ELOVL5: variants seen among roughly 807,000 people sequenced by gnomAD.
ELOVL5 encodes very long chain fatty acid elongase 5.
Under a neutral mutation model 38.6 loss-of-function variants are expected in ELOVL5, and 8 were observed. The observed-to-expected ratio is 0.21, with a 90% CI of 0.12 to 0.37. The LOEUF is 0.37. Ranked by LOEUF, ELOVL5 falls within the 10% of genes least tolerant of loss-of-function variation. The probability of loss-of-function intolerance (pLI) is 1.00; values close to 1 mark genes in which losing one functional copy is unlikely to be tolerated. For synonymous variants in ELOVL5, 127 were observed against 133.7 expected (o/e 0.95, Z 0.34); for missense variants, 280 against 367.8 (o/e 0.76, Z 1.95).
chr6:53,294,141 C>T (rs2127575207), intron 2 of ELOVL5: 1 of 1,412,682 alleles, frequency 7.1e-7, no homozygotes, highest in South Asian at 1.7e-5. Context: ...CCCACAAATA[C>T]TCATCTTTCC....
chr6:53,337,981 G>A (rs1007071713), intron 1 of ELOVL5, among the ~76,000 whole-genome samples: 3 of 152,172 alleles, frequency 2.0e-5, no homozygotes, highest in Non-Finnish European at 4.4e-5. Flanking sequence ...GGCGGAGGAT[G>A]GTGCTCCTGA....
At chr6:53,320,347 C>CT in intron 1 of ELOVL5, among the ~76,000 whole-genome samples, 1 of 150,610 alleles carries the variant, frequency 6.6e-6, no homozygotes, top group African/African-American at 2.4e-5. Context: ...TCTTTTTTTT[C>CT]TTTTTTTGAG....
At chr6:53,290,038 C>G (rs1766716175) in intron 3 of ELOVL5, 1 of 152,130 alleles carries the variant, frequency 6.6e-6, no homozygotes, top group Non-Finnish European at 1.5e-5. Flanking sequence ...GTATTCAGTG[C>G]TTAGTCACTG....
intron 1 of ELOVL5, among the ~76,000 whole-genome samples, chr6:53,339,333 C>A (rs1357377166): frequency 1.3e-5 from 2 of 152,136 alleles, no homozygotes; most frequent in Non-Finnish European, 2.9e-5. Flanking sequence ...TACAATGTTG[C>A]CAAACCTAGT....
intron 3 of ELOVL5, among the ~76,000 whole-genome samples, chr6:53,284,989 T>G (rs898787595): frequency 4.6e-5 from 7 of 152,192 alleles, no homozygotes; most frequent in South Asian, 2.1e-4. Flanking sequence ...CTGGCCTCCT[T>G]ATTTCCTGAG....
chr6:53,345,212 A>G (rs1042595930), intron 1 of ELOVL5, among the ~76,000 whole-genome samples: 1 of 152,184 alleles, frequency 6.6e-6, no homozygotes, highest in Non-Finnish European at 1.5e-5. Flanking sequence ...AGCTGCTGTC[A>G]GTCATCTTGG....
chr6:53,270,819 T>G lies in ELOVL5; in HGVS notation c.622-92A>C. On this transcript the variant is annotated intron_variant, in intron 6 of 7. Transcript: ENST00000304434. The stretch of plus-strand genomic sequence containing the variant: ...CTTTTTAACCAGCATCACCTAAATT[T>G]CTGAATTAACACTTACTACCCTTGC... 8.7e-6 allele frequency: 13 copies of G among 1,486,218 alleles called. No individual in the cohort carries two copies. The South Asian group carries it at 1.6e-4, about 18-fold the overall frequency. 92.1% of individuals were successfully genotyped at this position (1,486,218 alleles called of 1,614,324 possible). A position where few individuals can be genotyped will look rare whatever the true frequency, so the allele number is the denominator to read the frequency against.
intron 1 of ELOVL5, among the ~76,000 whole-genome samples, chr6:53,299,100 T>C (rs988182720): frequency 6.6e-6 from 1 of 151,996 alleles, no homozygotes; most frequent in Non-Finnish European, 1.5e-5. Context: ...AATGAGACAT[T>C]CATAATGGGG....
chr6:53,331,988 A>C (rs986264457), intron 1 of ELOVL5, among the ~76,000 whole-genome samples: 1 of 152,192 alleles, frequency 6.6e-6, no homozygotes, highest in South Asian at 2.1e-4. Context: ...GAGAGGAAGC[A>C]AGACAAAGAA....
Position 53,275,684 on chromosome 6 carries a change from A to G in ELOVL5, c.325-423T>C, listed in dbSNP as rs148086241. ...GCAGCCGACCTGATAAGTGACACAG[A>G]AGAAAAGGAATCAGAACCTGCAGTG... On this transcript the variant is annotated intron_variant, in intron 4 of 7. Coordinates refer to ENST00000304434, the MANE Select transcript of ELOVL5 (RefSeq NM_021814.5). 2.9e-3 allele frequency among the ~76,000 whole-genome samples: 436 copies of G among 152,330 alleles called. 4 individuals are homozygous for G. The highest frequency in any genetic ancestry group is 9.9e-3 in the African/African-American group (412 of 41,578).
chr6:53,306,022 C>T (rs1581957941), intron 1 of ELOVL5, among the ~76,000 whole-genome samples: 1 of 151,590 alleles, frequency 6.6e-6, no homozygotes, highest in East Asian at 2.0e-4. Context: ...GCCAACACAG[C>T]GAAACCCCGT....
intron 1 of ELOVL5, among the ~76,000 whole-genome samples, chr6:53,346,299 C>T (rs1325245151): frequency 2.0e-5 from 3 of 152,108 alleles, no homozygotes; most frequent in Admixed American, 1.3e-4. Context: ...TTTTCTTTAT[C>T]CAGTCTATCA....
chr6:53,294,180 C>T (rs545123034), intron 2 of ELOVL5: 17 of 1,451,506 alleles, frequency 1.2e-5, no homozygotes, highest in Non-Finnish European at 1.5e-5. Context: ...CCTCCCACAC[C>T]GCACAGTGCT....
At chr6:53,340,455 T>C (rs1441722090) in intron 1 of ELOVL5, among the ~76,000 whole-genome samples, 1 of 152,158 alleles carries the variant, frequency 6.6e-6, no homozygotes, top group African/African-American at 2.4e-5. Flanking sequence ...GAGTGTACAG[T>C]AAAGTCCTAG....
intron 1 of ELOVL5, among the ~76,000 whole-genome samples, chr6:53,338,153 G>A (rs776967253): frequency 2.6e-5 from 4 of 152,180 alleles, no homozygotes; most frequent in Non-Finnish European, 5.9e-5. Flanking sequence ...CATGCAATGA[G>A]ATTTGGTCTT....
chr6:53,287,789 G>C, intron 3 of ELOVL5: 1 of 1,371,170 alleles, frequency 7.3e-7, no homozygotes, highest in South Asian at 1.2e-5. Flanking sequence ...TCCTTCTGAG[G>C]AAAGGAGCCA....
chr6:53,275,059 TG>T, intron 5 of ELOVL5, 30 bp downstream of exon 5: 1 of 1,608,500 alleles, frequency 6.2e-7, no homozygotes, highest in Non-Finnish European at 8.5e-7. Context: ...TGCTCACACC[TG>T]TTCCCCAAGT....
chr6:53,302,599 T>TAAGGCAAATCTGTTTTAAA (rs1429543907), intron 1 of ELOVL5, among the ~76,000 whole-genome samples: 7 of 151,972 alleles, frequency 4.6e-5, no homozygotes, highest in Non-Finnish European at 8.8e-5. Flanking sequence ...ACTGGGATCT[T>TAAGGCAAATCTGTTTTAAA]AAGGCAAATC....
At chr6:53,312,570 C>G (rs1221240149) in intron 1 of ELOVL5, among the ~76,000 whole-genome samples, 4 of 152,116 alleles carry the variant, frequency 2.6e-5, no homozygotes, top group African/African-American at 9.7e-5. Flanking sequence ...GTGCTGATAG[C>G]AATGTTGTGT....
Sources: gnomAD v4.1 joint callset for allele counts (sites outside exome capture counted in the v4.1 genomes callset) on GRCh38, gnomAD v4.1.1 for gene constraint, MANE v1.5 for transcripts, NCBI Gene and HGNC (gene_info 2026-07-23, HGNC 2026-07-21) for gene names.